PMP2: variants seen among roughly 807,000 people sequenced by gnomAD.
PMP2 encodes the protein peripheral myelin protein 2.
PMP2 carries 11 observed loss-of-function variants against 15.9 expected under a neutral mutation model. The ratio of observed to expected loss-of-function variants is 0.69; its 90% CI spans 0.44 to 1.14. The LOEUF (loss-of-function observed/expected upper bound fraction) is 1.14. Ranked by LOEUF, PMP2 falls within the 50% of genes most tolerant of loss-of-function variation. PMP2 has a pLI of 0.00. For synonymous variants in PMP2, 55 were observed against 54.1 expected, an observed-to-expected ratio of 1.02 and a Z score of -0.07; for missense variants, 151 against 154.0, an observed-to-expected ratio of 0.98 and a Z score of 0.10.
intron 1 of PMP2, 92 bp downstream of exon 1, chr8:81,447,222 C>A: frequency 1.1e-6 from 1 of 904,342 alleles, no homozygotes; most frequent in Non-Finnish European, 1.9e-6. Flanking sequence ...TTGCAAAACT[C>A]CCCAGTATCC....
Position 81,444,715 on chromosome 8 carries a change from C to G in PMP2, c.246+102G>C, listed in dbSNP as rs1586351560. 7 of 1,357,716 alleles carry G rather than the reference C, an allele frequency of 5.2e-6. No individual in the cohort carries two copies. In the East Asian group the frequency reaches 1.4e-4, roughly 27 times the overall value. The allele number at this position is 1,357,716 out of a possible 1,614,324, so 84.1% of individuals were successfully genotyped here. A position where few individuals can be genotyped will look rare whatever the true frequency, so the allele number is the denominator to read the frequency against. ...ATATAGATGTCTCAGGAGGTACACTCCTTTTCAACAGAATTGAGTCTACCC... is the reference window on the plus strand; with the variant it reads ...ATATAGATGTCTCAGGAGGTACACTGCTTTTCAACAGAATTGAGTCTACCC... On this transcript the variant is annotated intron_variant, in intron 2 of 3. Coordinates refer to ENST00000256103, the MANE Select transcript of PMP2 (RefSeq NM_002677.5).
intron 3 of PMP2, 144 bp from the exon 4 acceptor site, chr8:81,443,592 A>G: frequency 1.9e-6 from 1 of 515,758 alleles, no homozygotes; most frequent in South Asian, 3.5e-5. Flanking sequence ...CCAGTAATTC[A>G]GAATTATGAC....
rs1203843009 is a variant in PMP2 at position 81,442,376 on chromosome 8, T to C, written c.*1022A>G. The C allele has an allele frequency of 6.6e-6, 1 of 152,518 alleles. No individual in the cohort carries two copies. Among genetic ancestry groups the C allele is most frequent in the South Asian group, 2.1e-4 (1 of 4,834 alleles). 9.4% of individuals were successfully genotyped at this position (152,518 alleles called of 1,614,324 possible). On this transcript the variant is annotated 3_prime_UTR_variant, in exon 4 of 4. Coordinates refer to ENST00000256103, the MANE Select transcript of PMP2 (RefSeq NM_002677.5). The stretch of plus-strand genomic sequence containing the variant: ...ACCTAATGATATGACTAGTTATTTA[T>C]TTAAAATAAAGGGACTCCTATGTTT...
Position 81,443,241 on chromosome 8 carries a change from T to A in PMP2, c.*157A>T, listed in dbSNP as rs1327647349. On this transcript the variant is annotated 3_prime_UTR_variant, in exon 4 of 4. Transcript: ENST00000256103. Reference sequence around the variant, plus strand: ...CACATTGAAAATGTTTAAATAACACTGACTTTTAGATTAATTCTCAGTTTA... The same window carrying A: ...CACATTGAAAATGTTTAAATAACACAGACTTTTAGATTAATTCTCAGTTTA... The A allele has an allele frequency of 1.9e-6, 1 of 515,900 alleles. No individual in the cohort carries two copies. The highest frequency in any genetic ancestry group is 2.0e-5 in the African/African-American group (1 of 50,940). 32.0% of individuals were successfully genotyped at this position (515,900 alleles called of 1,614,324 possible).
rs368562122 is a variant in PMP2 at position 81,444,907 on chromosome 8, T to A, written c.156A>T (p.Ile52=). 3.7e-6 allele frequency: 6 copies of A among 1,613,722 alleles called. No individual in the cohort carries two copies. The highest frequency in any genetic ancestry group is 1.6e-4 in the Middle Eastern group (1 of 6,078). The change falls in exon 2 of 4, where the codon ATA becomes ATT. Residue 52 remains isoleucine, a synonymous_variant. Transcript: ENST00000256103. The part of the protein sequence containing the change: ...IISKKGDIIT[I]RTESTFKNTE... ...TATTTTTAAAGGTACTTTCAGTTCG[T>A]ATAGTTATAATATCTCCTTTCTTGC...
chr8:81,445,974 C>T (rs576637234), intron 1 of PMP2, among the ~76,000 whole-genome samples: 37 of 151,590 alleles, frequency 2.4e-4, no homozygotes, highest in Non-Finnish European at 5.2e-4. Context: ...ATTACCAAGA[C>T]TATAAAATAT....
At chr8:81,444,173 A>C (rs1178102239) in intron 3 of PMP2, among the ~76,000 whole-genome samples, 1 of 152,214 alleles carries the variant, frequency 6.6e-6, no homozygotes, top group Non-Finnish European at 1.5e-5. Context: ...CCTTGCAGAG[A>C]GTGTTTTGCT....
At chr8:81,444,644 T>G (rs745615067) in intron 2 of PMP2, 43 bp from the exon 3 acceptor site, 1 of 1,545,022 alleles carries the variant, frequency 6.5e-7, no homozygotes, top group South Asian at 1.1e-5. Context: ...TGAAATTTGT[T>G]GATCAAAGAA....
At chr8:81,443,944 T>A (rs541832443) in intron 3 of PMP2, among the ~76,000 whole-genome samples, 5 of 152,120 alleles carry the variant, frequency 3.3e-5, no homozygotes, top group African/African-American at 1.2e-4. Flanking sequence ...ATGTGTTAAT[T>A]AGTGAACATA....
At chr8:81,443,730 C>T (rs918312363) in intron 3 of PMP2, among the ~76,000 whole-genome samples, 2 of 152,050 alleles carry the variant, frequency 1.3e-5, no homozygotes, top group African/African-American at 2.4e-5. Flanking sequence ...TCAAAAATGT[C>T]TACATATTTG....
chr8:81,443,312 T>C lies in PMP2; in HGVS notation c.*86A>G. On this transcript the variant is annotated 3_prime_UTR_variant, in exon 4 of 4. Transcript: ENST00000256103. The stretch of plus-strand genomic sequence containing the variant: ...ATTAAGACAAAAGCAAAAACAAATA[T>C]TTGCAGTGTATTCAGTTTTGTCAAT... The C allele has an allele frequency of 2.3e-6, 2 of 858,392 alleles. No individual in the cohort carries two copies. Among genetic ancestry groups the C allele is most frequent in the Non-Finnish European group, 3.8e-6 (2 of 531,560 alleles). The allele number at this position is 858,392 out of a possible 1,614,324, so 53.2% of individuals were successfully genotyped here. A position where few individuals can be genotyped will look rare whatever the true frequency, so the allele number is the denominator to read the frequency against.
chr8:81,444,426 A>G (rs1302917378), intron 3 of PMP2, 74 bp downstream of exon 3: 1 of 914,486 alleles, frequency 1.1e-6, no homozygotes, highest in Non-Finnish European at 1.7e-6. Context: ...AAGAACAAAG[A>G]ATATTTTGAA....
chr8:81,447,221 T>A, intron 1 of PMP2, 93 bp downstream of exon 1: 2 of 883,810 alleles, frequency 2.3e-6, no homozygotes, highest in Non-Finnish European at 3.8e-6. Flanking sequence ...CTTGCAAAAC[T>A]CCCCAGTATC....
chr8:81,443,125 A>G lies in PMP2; in HGVS notation c.*273T>C, dbSNP rs537520260. ...TCATTTCAAGTATACAAAGTTCAAC[A>G]TAGATTAGAATTTTGTAGTTAATTG... On this transcript the variant is annotated 3_prime_UTR_variant, in exon 4 of 4. Transcript: ENST00000256103. The G allele has an allele frequency of 6.5e-6, 2 of 305,486 alleles. No homozygotes were observed. The highest frequency in any genetic ancestry group is 6.0e-5 in the East Asian group (1 of 16,800). The allele number at this position is 305,486 out of a possible 1,614,324, so 18.9% of individuals were successfully genotyped here.
At position 81,447,387 on chromosome 8, in the gene PMP2, C is replaced by CGT; in HGVS notation, c.-3_-2dup. ...AGGTGCCCAGGAATTTGTTGCTCAT[C>CGT]GTGATGGGTGAGAGCTCAACACAGT... On this transcript the variant is annotated 5_prime_UTR_variant, in exon 1 of 4. Coordinates refer to ENST00000256103, the MANE Select transcript of PMP2 (RefSeq NM_002677.5). 1 of 1,612,532 alleles carries CGT rather than the reference C, an allele frequency of 6.2e-7. No individual in the cohort carries two copies. The highest frequency in any genetic ancestry group is 8.5e-7 in the Non-Finnish European group (1 of 1,178,594).
chr8:81,442,628 G>A lies in PMP2; in HGVS notation c.*770C>T, dbSNP rs920038306. On this transcript the variant is annotated 3_prime_UTR_variant, in exon 4 of 4. Transcript: ENST00000256103. The stretch of plus-strand genomic sequence containing the variant: ...AAAAGGCAAACAGAAAAGAATGCAT[G>A]ATGTACAATTCCCTTCATATGAGCA... The A allele has an allele frequency of 3.3e-5, 5 of 152,278 alleles. No homozygotes were observed. The highest frequency in any genetic ancestry group is 9.7e-5 in the African/African-American group (4 of 41,418). The allele number at this position is 152,278 out of a possible 1,614,324, so 9.4% of individuals were successfully genotyped here.
At chr8:81,445,601 C>T (rs981627243) in intron 1 of PMP2, among the ~76,000 whole-genome samples, 1 of 152,194 alleles carries the variant, frequency 6.6e-6, no homozygotes, top group South Asian at 2.1e-4. Context: ...CACATCCAAT[C>T]CTATTCCCCA....
Position 81,443,466 on chromosome 8 carries a change from T to C in PMP2, c.349-18A>G, listed in dbSNP as rs1352052562. On this transcript the variant is annotated intron_variant, in intron 3 of 3. Coordinates refer to ENST00000256103, the MANE Select transcript of PMP2 (RefSeq NM_002677.5). Reference sequence around the variant, plus strand: ...TTACATTCCTTAAAAAAGAGAGAGGTTAATTGAGTATCTCAAGTTCAAACC... The same window carrying C: ...TTACATTCCTTAAAAAAGAGAGAGGCTAATTGAGTATCTCAAGTTCAAACC... The C allele has an allele frequency of 1.3e-6, 2 of 1,552,704 alleles. No homozygotes were observed. Among genetic ancestry groups the C allele is most frequent in the Non-Finnish European group, 1.8e-6 (2 of 1,135,746 alleles).
Position 81,440,555 on chromosome 8 carries a change from TC to T in PMP2, c.*2842del, listed in dbSNP as rs1262983918. 6.6e-6 allele frequency: 1 copy of T among 152,174 alleles called. No homozygotes were observed. The highest frequency in any genetic ancestry group is 1.5e-5 in the Non-Finnish European group (1 of 68,028). 9.4% of individuals were successfully genotyped at this position (152,174 alleles called of 1,614,324 possible). A position where few individuals can be genotyped will look rare whatever the true frequency, so the allele number is the denominator to read the frequency against. On this transcript the variant is annotated 3_prime_UTR_variant, in exon 4 of 4. Transcript: ENST00000256103. ...AAGTTGCCAAGTGCGGGGTTTTTTT[TC>T]AATCATGTTTGGAAATAAGTTCCAA...
Sources: allele counts gnomAD v4.1 joint callset (sites outside exome capture counted in the v4.1 genomes callset), GRCh38; gene constraint gnomAD v4.1.1; transcripts MANE v1.5; gene names NCBI Gene and HGNC (gene_info 2026-07-23, HGNC 2026-07-21).